Variants in ATG14 observed in about 807,000 individuals in gnomAD.
ATG14 encodes beclin 1-associated autophagy-related key regulator.
Under a neutral mutation model 60.4 loss-of-function variants are expected in ATG14, and 35 were observed. The ratio of observed to expected loss-of-function variants is 0.58; its 90% CI spans 0.44 to 0.77. ATG14 has a LOEUF of 0.77. Among genes scored for constraint, ATG14 ranks in the 30% least tolerant of loss-of-function variants. The probability of loss-of-function intolerance (pLI) is 0.00; values close to 1 mark genes in which losing one functional copy is unlikely to be tolerated. For missense variants in ATG14, 647 were observed against 626.3 expected (o/e 1.03, Z -0.35); for synonymous variants, 234 against 228.8 (o/e 1.02, Z -0.21).
chr14:55,390,499 A>T (rs1433667321), intron 4 of ATG14, among the ~76,000 whole-genome samples: 1 of 151,440 alleles, frequency 6.6e-6, no homozygotes, highest in Non-Finnish European at 1.5e-5. Flanking sequence ...TCAGCCTCCC[A>T]AGTAGCTGGG....
intron 1 of ATG14, among the ~76,000 whole-genome samples, chr14:55,398,214 G>A (rs1056651981): frequency 2.0e-5 from 3 of 152,152 alleles, no homozygotes; most frequent in African/African-American, 7.2e-5. Flanking sequence ...GCCTCCCAAA[G>A]TGCTGGGCTT....
Position 55,383,224 on chromosome 14 carries a change from G to A in ATG14, c.648-1033C>T, listed in dbSNP as rs1885064902. 3.3e-5 allele frequency among the ~76,000 whole-genome samples: 5 copies of A among 151,836 alleles called. No individual in the cohort carries two copies. In the South Asian group the frequency reaches 6.3e-4, roughly 19 times the overall value. On this transcript the variant is annotated intron_variant, in intron 5 of 9. Transcript: ENST00000247178. ...GGTTCCATGTCTTGAACTAACCGAG[G>A]ACTGAAAATATTCGGGGGAAAAAAA...
chr14:55,382,393 T>C (rs1885051581), intron 5 of ATG14, among the ~76,000 whole-genome samples: 1 of 152,186 alleles, frequency 6.6e-6, no homozygotes, highest in Non-Finnish European at 1.5e-5. Flanking sequence ...CATAGCTCAC[T>C]GAAGCCTTGA....
chr14:55,370,644 T>C (rs891160714), intron 9 of ATG14, among the ~76,000 whole-genome samples: 2 of 151,794 alleles, frequency 1.3e-5, no homozygotes, highest in Non-Finnish European at 2.9e-5. Flanking sequence ...TTTCTGCATT[T>C]CTTTTTTTTT....
Position 55,411,595 on chromosome 14 carries a change from G to C in ATG14, c.221+7C>G, listed in dbSNP as rs764952607. 1 of 1,602,856 alleles carries C rather than the reference G, an allele frequency of 6.2e-7. No individual in the cohort carries two copies. The highest frequency in any genetic ancestry group is 8.5e-7 in the Non-Finnish European group (1 of 1,175,576). On this transcript the variant is annotated splice_region_variant and intron_variant, in intron 1 of 9. Transcript: ENST00000247178. ...AAGAAACAATAGGGCCGTGGCGGCC[G>C]CCGTACCTCTCCCGGTCGCGGCCGT...
chr14:55,395,658 G>T (rs1049960602), intron 3 of ATG14, among the ~76,000 whole-genome samples: 2 of 152,152 alleles, frequency 1.3e-5, no homozygotes, highest in African/African-American at 4.8e-5. Flanking sequence ...GAGTGTGTAT[G>T]ATAAATAATT....
chr14:55,404,761 T>C (rs1451292163), intron 1 of ATG14, among the ~76,000 whole-genome samples: 3 of 152,154 alleles, frequency 2.0e-5, no homozygotes, highest in Non-Finnish European at 4.4e-5. Context: ...CAAAATGGAA[T>C]GTTTTTCTTT....
At position 55,369,583 on chromosome 14, in the gene ATG14, C is replaced by G. The variant is rs895673471; in HGVS notation, c.*36G>C. On this transcript the variant is annotated 3_prime_UTR_variant, in exon 10 of 10. Transcript: ENST00000247178. ...TAGAGTGTAGTGGGAGAAGAACTTTCTTGATGCAGATTTGGTATGTTTTGG... is the reference window on the plus strand; with the variant it reads ...TAGAGTGTAGTGGGAGAAGAACTTTGTTGATGCAGATTTGGTATGTTTTGG... 16 of 1,456,462 alleles carry G rather than the reference C, an allele frequency of 1.1e-5. No individual in the cohort carries two copies. Among genetic ancestry groups the G allele is most frequent in the Non-Finnish European group, 1.5e-5 (16 of 1,096,636 alleles). The allele number at this position is 1,456,462 out of a possible 1,614,324, so 90.2% of individuals were successfully genotyped here. A position where few individuals can be genotyped will look rare whatever the true frequency, so the allele number is the denominator to read the frequency against.
intron 1 of ATG14, among the ~76,000 whole-genome samples, chr14:55,408,536 C>G (rs947821352): frequency 6.6e-6 from 1 of 152,164 alleles, no homozygotes; most frequent in Non-Finnish European, 1.5e-5. Flanking sequence ...CTTTGGGAGG[C>G]TGAGGCAGGA....
At chr14:55,402,943 ATATATATATATATATATATATATAT>A (rs1885430250) in intron 1 of ATG14, among the ~76,000 whole-genome samples, 1 of 61,016 alleles carries the variant, frequency 1.6e-5, no homozygotes, top group East Asian at 4.2e-4. Context: ...ATATATATAT[ATATATATATATATATATATATATAT>A]AAATAGCTGG....
At chr14:55,402,926 A>AATATATATATATATAT (rs71131262) in intron 1 of ATG14, among the ~76,000 whole-genome samples, 7 of 16,400 alleles carry the variant, frequency 4.3e-4, no homozygotes, top group African/African-American at 7.7e-4. Flanking sequence ...AAAAAAAAAA[A>AATATATATATATATAT]ATATATATAT....
intron 1 of ATG14, among the ~76,000 whole-genome samples, chr14:55,405,909 A>G (rs1261190914): frequency 6.6e-6 from 1 of 151,982 alleles, no homozygotes; most frequent in Admixed American, 6.6e-5. Context: ...AGGGGAAGAA[A>G]AGGCAGATGT....
chr14:55,398,066 G>A (rs1885341422), intron 1 of ATG14, among the ~76,000 whole-genome samples: 1 of 149,676 alleles, frequency 6.7e-6, no homozygotes, highest in Admixed American at 6.8e-5. Flanking sequence ...TCCCGCCTCA[G>A]CCTCCCAAGC....
intron 4 of ATG14, among the ~76,000 whole-genome samples, chr14:55,387,574 G>A (rs79187445): frequency 0.019 from 2,896 of 152,190 alleles, 90 homozygotes; most frequent in African/African-American, 0.062. Flanking sequence ...GGTATAAAAC[G>A]TACCTGATAA....
Position 55,402,967 on chromosome 14 carries a change from AT to A in ATG14, c.222-5534del, listed in dbSNP as rs1283626702. On this transcript the variant is annotated intron_variant, in intron 1 of 9. Coordinates refer to ENST00000247178, the MANE Select transcript of ATG14 (RefSeq NM_014924.5). ...TATATATATATATATATATATATAT[AT>A]AAATAGCTGGGCATAGTGGTGCATG... is the stretch of plus-strand genomic sequence containing the variant. 2.5e-3 allele frequency among the ~76,000 whole-genome samples: 197 copies of A among 78,604 alleles called. 14 individuals carry two copies. Among genetic ancestry groups the A allele is most frequent in the Admixed American group, 0.019 (127 of 6,854 alleles). 51.6% of individuals were successfully genotyped at this position (78,604 alleles called of 152,430 possible).
At chr14:55,380,780 T>C (rs1885015369) in intron 6 of ATG14, 90 bp from the exon 7 acceptor site, 1 of 806,782 alleles carries the variant, frequency 1.2e-6, no homozygotes, top group Non-Finnish European at 1.9e-6. Flanking sequence ...GATTTTATCA[T>C]GATAGCACTG....
intron 9 of ATG14, among the ~76,000 whole-genome samples, chr14:55,377,571 G>A (rs1884942967): frequency 6.6e-6 from 1 of 152,150 alleles, no homozygotes. Flanking sequence ...CCAGGAACAT[G>A]TGGGTTCTTC....
intron 3 of ATG14, among the ~76,000 whole-genome samples, chr14:55,391,471 T>TAAAAAAAAA (rs746307684): frequency 6.2e-4 from 47 of 75,792 alleles, no homozygotes; most frequent in Non-Finnish European, 1.2e-3. Flanking sequence ...TGAGACTCCA[T>TAAAAAAAAA]AAAAAAAAAA....
At chr14:55,372,280 A>G (rs532782121) in intron 9 of ATG14, among the ~76,000 whole-genome samples, 20 of 147,728 alleles carry the variant, frequency 1.4e-4, no homozygotes, top group South Asian at 6.5e-4. Context: ...GGTCCTCACC[A>G]TATCACCACC....
Sources: gnomAD v4.1 joint callset for allele counts (sites outside exome capture counted in the v4.1 genomes callset) on GRCh38, gnomAD v4.1.1 for gene constraint, MANE v1.5 for transcripts, NCBI Gene and HGNC (gene_info 2026-07-23, HGNC 2026-07-21) for gene names.